Variants in LMO7 observed in about 807,000 individuals in gnomAD.
LMO7 encodes LIM domain 7.
A neutral mutation model predicts 206.5 loss-of-function variants in LMO7; 120 were observed. The ratio of observed to expected loss-of-function variants is 0.58; its 90% CI spans 0.50 to 0.68. LMO7 has a LOEUF of 0.68. LMO7 is among the 30% of genes least tolerant of loss of function. The pLI is 0.00. For missense variants in LMO7, 1,959 were observed against 1,957.9 expected, an observed-to-expected ratio of 1.00 and a Z score of -0.01; for synonymous variants, 706 against 681.5, an observed-to-expected ratio of 1.04 and a Z score of -0.56.
chr13:75,769,654 G>A (rs1156780324), intron 4 of LMO7, among the ~76,000 whole-genome samples: 1 of 152,020 alleles, frequency 6.6e-6, no homozygotes, highest in Non-Finnish European at 1.5e-5. Context: ...GGAAAAAGTG[G>A]GGTTCTTGTG....
chr13:75,845,313 G>C lies in LMO7; in HGVS notation c.4098-14G>C. ...TAATGAGACATATTTAATATATTGT[G>C]TTCTGTGTTTTAGGAATAAATCCAG... On this transcript the variant is annotated splice_polypyrimidine_tract_variant and intron_variant, in intron 25 of 30. Transcript: ENST00000377534. 7.1e-7 allele frequency: 1 copy of C among 1,399,724 alleles called. No individual in the cohort carries two copies. The highest frequency in any genetic ancestry group is 1.2e-5 in the South Asian group (1 of 83,250). 86.7% of individuals were successfully genotyped at this position (1,399,724 alleles called of 1,614,324 possible).
chr13:75,693,462 A>G (rs1333030704), intron 1 of LMO7, among the ~76,000 whole-genome samples: 1 of 152,044 alleles, frequency 6.6e-6, no homozygotes, highest in African/African-American at 2.4e-5. Context: ...GCTCTGCTTC[A>G]GGCTGGGGTG....
chr13:75,671,632 G>A (rs763010259), intron 1 of LMO7, among the ~76,000 whole-genome samples: 6 of 152,060 alleles, frequency 3.9e-5, no homozygotes, highest in Non-Finnish European at 8.8e-5. Context: ...ATCAGGTAAT[G>A]GTAAAAATCC....
chr13:75,808,574 AT>A (rs2055867605), intron 10 of LMO7, among the ~76,000 whole-genome samples: 2 of 152,116 alleles, frequency 1.3e-5, no homozygotes, highest in Admixed American at 1.3e-4. Context: ...AGAGTGTCTG[AT>A]TTTTTTGGGG....
Position 75,807,650 on chromosome 13 carries a change from CT to C in LMO7, c.1368del (p.Asp457ThrfsTer2), listed in dbSNP as rs1329530982. 1 of 1,613,994 alleles carries C rather than the reference CT, an allele frequency of 6.2e-7. No homozygotes were observed. Among genetic ancestry groups the C allele is most frequent in the African/African-American group, 1.3e-5 (1 of 75,042 alleles). On this transcript the variant is annotated frameshift_variant, in exon 10 of 31. Coordinates refer to ENST00000377534, the MANE Select transcript of LMO7 (RefSeq NM_001306080.2). LOFTEE classifies it high-confidence loss of function. The part of the protein sequence containing the change: ...RDDLEMAALD[P>X]DLENDDFFVR... The stretch of plus-strand genomic sequence containing the variant: ...GACCTCGAGATGGCAGCCCTGGATC[CT>C]GACTTAGAGAATGATGATTTCTTTG...
chr13:75,783,707 C>T (rs1321153462), intron 4 of LMO7, among the ~76,000 whole-genome samples: 1 of 152,134 alleles, frequency 6.6e-6, no homozygotes, highest in African/African-American at 2.4e-5. Context: ...GAATGTTGAG[C>T]TCTTGGCTCT....
At chr13:75,809,418 CT>C (rs1302286049) in intron 11 of LMO7, among the ~76,000 whole-genome samples, 22 of 152,240 alleles carry the variant, frequency 1.4e-4, no homozygotes, top group African/African-American at 5.1e-4. Context: ...TTCATCCCTT[CT>C]TTTTTCCTTT....
intron 2 of LMO7, among the ~76,000 whole-genome samples, chr13:75,724,239 G>A (rs1404120526): frequency 6.6e-6 from 1 of 152,150 alleles, no homozygotes; most frequent in Non-Finnish European, 1.5e-5. Context: ...CAGATTACTA[G>A]GTGCTTCCTT....
At chr13:75,697,515 C>G (rs895064152) in intron 1 of LMO7, among the ~76,000 whole-genome samples, 1 of 152,104 alleles carries the variant, frequency 6.6e-6, no homozygotes, top group Non-Finnish European at 1.5e-5. Context: ...GGAAACTGCC[C>G]CCATGATTCA....
At chr13:75,776,162 G>GATAT (rs58964680) in intron 4 of LMO7, among the ~76,000 whole-genome samples, 890 of 36,478 alleles carry the variant, frequency 0.024, 65 homozygotes, top group Middle Eastern at 0.038. Flanking sequence ...ATATATATCG[G>GATAT]ATATATATAT....
intron 2 of LMO7, among the ~76,000 whole-genome samples, chr13:75,719,015 T>C (rs1348080305): frequency 6.6e-6 from 1 of 151,468 alleles, no homozygotes; most frequent in Non-Finnish European, 1.5e-5. Context: ...GTCTCACTCT[T>C]GTCCCCCAGG....
At chr13:75,667,334 T>C (rs188896686) in intron 1 of LMO7, among the ~76,000 whole-genome samples, 66 of 152,296 alleles carry the variant, frequency 4.3e-4, no homozygotes, top group African/African-American at 1.6e-3. Flanking sequence ...ATTTTGGCTA[T>C]TATTTTATCA....
intron 4 of LMO7, among the ~76,000 whole-genome samples, chr13:75,772,170 T>C (rs1198520266): frequency 1.3e-5 from 2 of 152,142 alleles, no homozygotes; most frequent in Non-Finnish European, 2.9e-5. Flanking sequence ...GAAATAATTA[T>C]TTCTAACTTT....
At position 75,841,678 on chromosome 13, in the gene LMO7, C is replaced by T. The variant is rs2059566319; in HGVS notation, c.3726C>T (p.Pro1242=). 7 of 1,614,124 alleles carry T rather than the reference C, an allele frequency of 4.3e-6. No individual in the cohort carries two copies. Among genetic ancestry groups the T allele is most frequent in the Non-Finnish European group, 5.9e-6 (7 of 1,180,002 alleles). ...SNSMSLTTRE[P]SLATWEATWS... ...GCATGTCTCTGACCACACGGGAGCCCTCTCTTGCCACCTGGGAAGCTACCT... is the reference window on the plus strand; with the variant it reads ...GCATGTCTCTGACCACACGGGAGCCTTCTCTTGCCACCTGGGAAGCTACCT... Residue 1242 remains proline, a synonymous_variant, in exon 24 of 31, where the codon CCC becomes CCT. Coordinates refer to ENST00000377534, the MANE Select transcript of LMO7 (RefSeq NM_001306080.2).
At position 75,695,891 on chromosome 13, in the gene LMO7, T is replaced by G. The variant is rs142755305; in HGVS notation, c.70-17291T>G. On this transcript the variant is annotated intron_variant, in intron 1 of 30. Coordinates refer to ENST00000377534, the MANE Select transcript of LMO7 (RefSeq NM_001306080.2). Reference sequence around the variant, plus strand: ...ATTACTTGATGATGTGTTTTAAACTTTGAAATGAGCTGTTTTTGTTGTATG... The same window carrying G: ...ATTACTTGATGATGTGTTTTAAACTGTGAAATGAGCTGTTTTTGTTGTATG... Among the ~76,000 whole-genome samples, 229 of 152,226 alleles carry G rather than the reference T, an allele frequency of 1.5e-3. 1 individual carries two copies. The highest frequency in any genetic ancestry group is 5.4e-3 in the African/African-American group (225 of 41,476).
At chr13:75,754,445 A>G (rs1010586370) in intron 3 of LMO7, among the ~76,000 whole-genome samples, 1 of 152,224 alleles carries the variant, frequency 6.6e-6, no homozygotes, top group Admixed American at 6.5e-5. Flanking sequence ...TTTGATATGT[A>G]CATGCACATG....
chr13:75,757,315 A>G (rs761599144), intron 3 of LMO7, among the ~76,000 whole-genome samples: 1 of 152,198 alleles, frequency 6.6e-6, no homozygotes, highest in Non-Finnish European at 1.5e-5. Flanking sequence ...AGGGTCCCCC[A>G]ATTCAGAACT....
chr13:75,837,380 G>C (rs2059211472), intron 19 of LMO7, among the ~76,000 whole-genome samples: 2 of 152,206 alleles, frequency 1.3e-5, no homozygotes, highest in Non-Finnish European at 2.9e-5. Flanking sequence ...TGACTCAGGT[G>C]AGATAGGTGA....
At chr13:75,689,869 A>C (rs1235718695) in intron 1 of LMO7, among the ~76,000 whole-genome samples, 1 of 152,104 alleles carries the variant, frequency 6.6e-6, no homozygotes, top group South Asian at 2.1e-4. Context: ...CAGCTTTTAG[A>C]GGGCTTATTG....
Sources: gnomAD v4.1 joint callset for allele counts (sites outside exome capture counted in the v4.1 genomes callset) on GRCh38, gnomAD v4.1.1 for gene constraint, MANE v1.5 for transcripts, NCBI Gene and HGNC (gene_info 2026-07-23, HGNC 2026-07-21) for gene names.